Variants in MICU2 observed in about 807,000 individuals in gnomAD.
MICU2 encodes calcium uptake protein 2, mitochondrial.
A neutral mutation model predicts 60.4 loss-of-function variants in MICU2; 64 were observed. The ratio of observed to expected loss-of-function variants is 1.06; its 90% CI spans 0.87 to 1.31. The LOEUF (loss-of-function observed/expected upper bound fraction) is 1.31, where lower values mean the gene tolerates loss of function less well. Ranked by LOEUF, MICU2 falls within the 50% of genes most tolerant of loss-of-function variation. The probability of loss-of-function intolerance (pLI) is 0.00; values close to 1 mark genes in which losing one functional copy is unlikely to be tolerated. For missense variants in MICU2, 569 were observed against 531.0 expected (o/e 1.07, Z -0.70); for synonymous variants, 201 against 175.0 (o/e 1.15, Z -1.17).
At chr13:21,550,508 A>C (rs1887530739) in intron 2 of MICU2, among the ~76,000 whole-genome samples, 1 of 152,230 alleles carries the variant, frequency 6.6e-6, no homozygotes, top group Admixed American at 6.5e-5. Context: ...ACTGCACCCC[A>C]GCTTGGACCA....
chr13:21,503,162 G>A lies in MICU2; in HGVS notation c.762-65C>T, dbSNP rs376598541. 1.1e-4 allele frequency: 138 copies of A among 1,206,944 alleles called. 2 individuals are homozygous for A. The African/African-American group carries it at 1.8e-3, about 16-fold the overall frequency. 74.8% of individuals were successfully genotyped at this position (1,206,944 alleles called of 1,614,324 possible). A position where few individuals can be genotyped will look rare whatever the true frequency, so the allele number is the denominator to read the frequency against. On this transcript the variant is annotated intron_variant, in intron 8 of 11. Coordinates refer to ENST00000382374, the MANE Select transcript of MICU2 (RefSeq NM_152726.3). ...CATTCAACCTTAAATATTGTAAATG[G>A]GTCTGCAAAGTACCTTCACTATTAC...
Position 21,515,144 on chromosome 13 carries a change from C to G in MICU2, c.598-726G>C, listed in dbSNP as rs907245325. ...TCACCCAGGCTGGAGTGCAGTGGCA[C>G]GATCCCGGCTGACTGCAAGCTCCGC... On this transcript the variant is annotated intron_variant, in intron 6 of 11. Transcript: ENST00000382374. Among the ~76,000 whole-genome samples the G allele has an allele frequency of 1.3e-5, 2 of 149,230 alleles. 1 individual carries two copies. Among genetic ancestry groups the G allele is most frequent in the South Asian group, 4.2e-4 (2 of 4,784 alleles).
At position 21,562,654 on chromosome 13, in the gene MICU2, T is replaced by C. The variant is rs150916555; in HGVS notation, c.358+4143A>G. Among the ~76,000 whole-genome samples, 32 of 152,344 alleles carry C rather than the reference T, an allele frequency of 2.1e-4. No homozygotes were observed. The East Asian group carries it at 6.2e-3, about 29-fold the overall frequency. On this transcript the variant is annotated intron_variant, in intron 2 of 11. Coordinates refer to ENST00000382374, the MANE Select transcript of MICU2 (RefSeq NM_152726.3). The stretch of plus-strand genomic sequence containing the variant: ...CTTCGTGGGTGGTACAAGTATCTTA[T>C]AACAAAAGTATTCCCAATTCCTCCC...
chr13:21,532,982 A>T (rs1371675119), intron 4 of MICU2, among the ~76,000 whole-genome samples: 1 of 152,228 alleles, frequency 6.6e-6, no homozygotes, highest in Non-Finnish European at 1.5e-5. Context: ...TGATGGGGTA[A>T]AATAGGGAAA....
intron 2 of MICU2, among the ~76,000 whole-genome samples, chr13:21,559,087 A>G (rs1480107326): frequency 4.6e-5 from 7 of 152,158 alleles, no homozygotes; most frequent in Non-Finnish European, 2.9e-5. Flanking sequence ...CAATTTTAGT[A>G]GATTTTCTTA....
intron 1 of MICU2, among the ~76,000 whole-genome samples, chr13:21,597,732 C>T (rs1199180132): frequency 6.6e-6 from 1 of 151,792 alleles, no homozygotes; most frequent in Non-Finnish European, 1.5e-5. Flanking sequence ...GAGATTGAGA[C>T]CATCCTGGCT....
At chr13:21,547,037 G>A (rs532918588) in intron 2 of MICU2, among the ~76,000 whole-genome samples, 1 of 152,226 alleles carries the variant, frequency 6.6e-6, no homozygotes, top group Non-Finnish European at 1.5e-5. Flanking sequence ...TTGAAGACAA[G>A]CAGTGAAAAT....
In MICU2 at chr13:21,603,996, C is replaced by T. The variant is rs763904749; in HGVS notation, c.153G>A (p.Trp51Ter). ...CCGCAACACTGACGCGGCTGTGGTG[C>T]CAGGCCGCTCCTGCTCCTGCCAGGG... The part of the protein sequence containing the change: ...GAALAGAGAA[W>*]HHSRVSVAAR... Residue 51 changes from tryptophan (W) to a stop codon, truncating the protein, a stop_gained, in exon 1 of 12, where the codon TGG becomes TGA. Transcript: ENST00000382374. LOFTEE classifies it high-confidence loss of function. 40 of 1,611,402 alleles carry T rather than the reference C, an allele frequency of 2.5e-5. No individual in the cohort carries two copies. In the South Asian group the frequency reaches 4.4e-4, roughly 18 times the overall value.
At chr13:21,495,412 C>G (rs1593310841) in intron 10 of MICU2, 94 bp from the exon 11 acceptor site, 2 of 1,265,010 alleles carry the variant, frequency 1.6e-6, no homozygotes, top group East Asian at 5.1e-5. Context: ...AAAAGCAAAT[C>G]CAAATTTTTA....
intron 1 of MICU2, among the ~76,000 whole-genome samples, chr13:21,599,012 G>A (rs569170155): frequency 2.6e-5 from 4 of 152,228 alleles, no homozygotes; most frequent in Admixed American, 6.5e-5. Flanking sequence ...CAGATCAGTA[G>A]CATTAGATTC....
At chr13:21,554,198 G>C (rs1593341954) in intron 2 of MICU2, among the ~76,000 whole-genome samples, 2 of 152,258 alleles carry the variant, frequency 1.3e-5, no homozygotes, top group East Asian at 3.9e-4. Flanking sequence ...GACATCTACA[G>C]AACTCTCCAC....
chr13:21,521,483 A>AT (rs1459171994), intron 5 of MICU2, among the ~76,000 whole-genome samples, 156 bp from the exon 6 acceptor site: 2 of 152,138 alleles, frequency 1.3e-5, no homozygotes, highest in Non-Finnish European at 2.9e-5. Flanking sequence ...CCAAAGGCTG[A>AT]TATTTGGTGT....
chr13:21,510,207 GCAACAACAA>G, intron 7 of MICU2, 106 bp from the exon 8 acceptor site: 1 of 483,330 alleles, frequency 2.1e-6, no homozygotes, highest in Non-Finnish European at 3.3e-6. Flanking sequence ...TCTTCTTACA[GCAACAACAA>G]CAACAACAAA....
intron 2 of MICU2, among the ~76,000 whole-genome samples, chr13:21,552,150 A>C (rs1167889506): frequency 1.3e-5 from 2 of 152,034 alleles, no homozygotes; most frequent in Non-Finnish European, 2.9e-5. Flanking sequence ...ATGGTATCTC[A>C]TTGTGGTTTT....
At chr13:21,505,506 T>C (rs528952019) in intron 8 of MICU2, among the ~76,000 whole-genome samples, 1 of 152,326 alleles carries the variant, frequency 6.6e-6, no homozygotes, top group South Asian at 2.1e-4. Context: ...GGAGACAGAA[T>C]TAAATTACAC....
At chr13:21,547,530 C>T (rs1351261927) in intron 2 of MICU2, among the ~76,000 whole-genome samples, 1 of 152,032 alleles carries the variant, frequency 6.6e-6, no homozygotes, top group Non-Finnish European at 1.5e-5. Flanking sequence ...TTTTATTCAC[C>T]ATTATATCCC....
intron 1 of MICU2, chr13:21,603,534 G>A (rs1483908938): frequency 3.1e-5 from 7 of 229,120 alleles, no homozygotes; most frequent in Non-Finnish European, 5.9e-5. Flanking sequence ...GGGGTAACTG[G>A]ACGCAAACCA....
intron 1 of MICU2, among the ~76,000 whole-genome samples, chr13:21,591,116 C>T (rs920412284): frequency 6.6e-5 from 10 of 151,802 alleles, no homozygotes; most frequent in Admixed American, 3.3e-4. Flanking sequence ...CAAGACTCAT[C>T]GGTGTGTTGT....
intron 1 of MICU2, among the ~76,000 whole-genome samples, chr13:21,594,793 C>T (rs1888657142): frequency 6.6e-6 from 1 of 152,130 alleles, no homozygotes; most frequent in Admixed American, 6.5e-5. Context: ...AAATCAAACA[C>T]CACATGTTCT....
Sources: gnomAD v4.1 joint callset for allele counts (sites outside exome capture counted in the v4.1 genomes callset) on GRCh38, gnomAD v4.1.1 for gene constraint, MANE v1.5 for transcripts, NCBI Gene and HGNC (gene_info 2026-07-23, HGNC 2026-07-21) for gene names.